PLGRKT: variants seen among roughly 807,000 people sequenced by gnomAD.
PLGRKT encodes plasminogen receptor (KT).
In PLGRKT, 22 loss-of-function variants were observed where a neutral mutation model predicts 18.5. The ratio of observed to expected loss-of-function variants is 1.19; its 90% CI spans 0.85 to 1.70. PLGRKT has a LOEUF of 1.70. Among genes scored for constraint, PLGRKT ranks in the 40% most tolerant of loss-of-function variants. The pLI is 0.00. For synonymous variants in PLGRKT, 72 were observed against 52.8 expected (o/e 1.36, Z -1.58); for missense variants, 235 against 174.4 (o/e 1.35, Z -1.96).
chr9:5,431,531 C>CAAAAAAAAAAAAAAAAAAA (rs1191361436), intron 3 of PLGRKT, among the ~76,000 whole-genome samples: 1 of 77,038 alleles, frequency 1.3e-5, no homozygotes, highest in East Asian at 4.2e-4. Flanking sequence ...GAGACTCTCT[C>CAAAAAAAAAAAAAAAAAAA]AAAAAAAAAA....
chr9:5,401,264 G>A (rs1344119319), intron 3 of PLGRKT, among the ~76,000 whole-genome samples: 1 of 150,136 alleles, frequency 6.7e-6, no homozygotes, highest in South Asian at 2.1e-4. Flanking sequence ...AAATAAGAAA[G>A]GCAACAAGAA....
chr9:5,404,955 G>C (rs1818227663), intron 3 of PLGRKT, among the ~76,000 whole-genome samples: 1 of 152,000 alleles, frequency 6.6e-6, no homozygotes, highest in South Asian at 2.1e-4. Flanking sequence ...TCAATGTGCA[G>C]AAATCACAAG....
intron 3 of PLGRKT, among the ~76,000 whole-genome samples, chr9:5,417,094 T>C (rs1818476454): frequency 6.6e-6 from 1 of 152,194 alleles, no homozygotes; most frequent in Admixed American, 6.5e-5. Flanking sequence ...CTTATTTCCA[T>C]TCATTCCAGC....
chr9:5,383,873 G>C (rs1276747360), intron 3 of PLGRKT, among the ~76,000 whole-genome samples: 1 of 152,198 alleles, frequency 6.6e-6, no homozygotes, highest in Non-Finnish European at 1.5e-5. Flanking sequence ...GGGGATCCTA[G>C]AGTTAGTGGA....
At chr9:5,369,475 C>T (rs192458622) in intron 3 of PLGRKT, among the ~76,000 whole-genome samples, 301 of 152,212 alleles carry the variant, frequency 2.0e-3, no homozygotes, top group Middle Eastern at 0.01. Flanking sequence ...AATAGGAACG[C>T]GTTTACACTG....
intron 3 of PLGRKT, among the ~76,000 whole-genome samples, chr9:5,424,093 A>G (rs868312707): frequency 2.1e-4 from 30 of 143,746 alleles, no homozygotes; most frequent in Middle Eastern, 7.1e-3. Context: ...TATATAATAT[A>G]TATTATATAT....
At position 5,373,487 on chromosome 9, in the gene PLGRKT, A is replaced by C. The variant is rs368293651; in HGVS notation, c.82-11599T>G. Among the ~76,000 whole-genome samples the C allele has an allele frequency of 2.6e-5, 4 of 152,216 alleles. No homozygotes were observed. The East Asian group carries it at 7.7e-4, about 29-fold the overall frequency. ...CTGAACCAAGACCCTGGGAAAGACCAGGTCAAGCTTTTGGCTCTATGAGAA... is the reference window on the plus strand; with the variant it reads ...CTGAACCAAGACCCTGGGAAAGACCCGGTCAAGCTTTTGGCTCTATGAGAA... On this transcript the variant is annotated intron_variant, in intron 3 of 5. Transcript: ENST00000223864.
At chr9:5,383,253 C>T (rs746448625) in intron 3 of PLGRKT, among the ~76,000 whole-genome samples, 3 of 152,176 alleles carry the variant, frequency 2.0e-5, no homozygotes, top group Non-Finnish European at 2.9e-5. Flanking sequence ...GGTGGGCTTG[C>T]TGACACACCT....
intron 3 of PLGRKT, among the ~76,000 whole-genome samples, chr9:5,428,198 C>A (rs1818739980): frequency 1.3e-5 from 2 of 152,100 alleles, no homozygotes; most frequent in Non-Finnish European, 2.9e-5. Context: ...TCTGTTGAGC[C>A]CAGTGGCAGA....
intron 3 of PLGRKT, among the ~76,000 whole-genome samples, chr9:5,365,032 C>T (rs926275442): frequency 2.0e-5 from 3 of 152,146 alleles, no homozygotes; most frequent in African/African-American, 7.2e-5. Flanking sequence ...GCTCTGTCCA[C>T]TGACAGGGCA....
chr9:5,370,682 G>A (rs563840249), intron 3 of PLGRKT, among the ~76,000 whole-genome samples: 1 of 152,160 alleles, frequency 6.6e-6, no homozygotes, highest in Admixed American at 6.5e-5. Flanking sequence ...TATCCGAAAT[G>A]AGAGTATTTT....
At chr9:5,358,388 G>A (rs1421690487) in intron 5 of PLGRKT, 28 bp from the exon 6 acceptor site, 3 of 1,609,334 alleles carry the variant, frequency 1.9e-6, no homozygotes, top group African/African-American at 1.3e-5. Context: ...AATACACAAG[G>A]TGACAAAGGG....
intron 3 of PLGRKT, among the ~76,000 whole-genome samples, chr9:5,365,313 G>A (rs992094418): frequency 3.9e-5 from 6 of 151,958 alleles, no homozygotes; most frequent in Admixed American, 1.3e-4. Context: ...GTCCAAAGCT[G>A]GAACAATTTT....
chr9:5,377,069 C>A lies in PLGRKT; in HGVS notation c.82-15181G>T, dbSNP rs1817642851. On this transcript the variant is annotated intron_variant, in intron 3 of 5. Transcript: ENST00000223864. ...TGCCTGGGAAGTTAGAGATCTGTTT[C>A]CCTGTCCAATTGCAGGGCAGTGGAT... Among the ~76,000 whole-genome samples, 5 of 152,094 alleles carry A rather than the reference C, an allele frequency of 3.3e-5. No individual in the cohort carries two copies. The South Asian group carries it at 1.0e-3, about 32-fold the overall frequency.
chr9:5,403,701 G>A (rs1466059242), intron 3 of PLGRKT, among the ~76,000 whole-genome samples: 1 of 152,190 alleles, frequency 6.6e-6, no homozygotes, highest in Non-Finnish European at 1.5e-5. Flanking sequence ...TATCCTGGAA[G>A]CAAATATTTT....
At chr9:5,395,480 C>T (rs1818026969) in intron 3 of PLGRKT, among the ~76,000 whole-genome samples, 5 of 151,762 alleles carry the variant, frequency 3.3e-5, no homozygotes, top group Admixed American at 1.3e-4. Context: ...AATAACTTTG[C>T]AGAATTATGG....
intron 3 of PLGRKT, among the ~76,000 whole-genome samples, chr9:5,429,440 GTC>G (rs1818771536): frequency 6.6e-6 from 1 of 152,174 alleles, no homozygotes; most frequent in African/African-American, 2.4e-5. Flanking sequence ...GAAATTTATT[GTC>G]TCTGTTCTGA....
At chr9:5,365,325 T>C (rs1175789345) in intron 3 of PLGRKT, among the ~76,000 whole-genome samples, 1 of 152,202 alleles carries the variant, frequency 6.6e-6, no homozygotes, top group Non-Finnish European at 1.5e-5. Context: ...AACAATTTTA[T>C]CAGCAAAATA....
At chr9:5,432,828 C>T (rs1321169464) in intron 2 of PLGRKT, among the ~76,000 whole-genome samples, 3 of 152,140 alleles carry the variant, frequency 2.0e-5, no homozygotes, top group African/African-American at 7.2e-5. Flanking sequence ...AGTGCAGTGG[C>T]GTGATCTCGG....
Sources: allele counts gnomAD v4.1 joint callset (sites outside exome capture counted in the v4.1 genomes callset), GRCh38; gene constraint gnomAD v4.1.1; transcripts MANE v1.5; gene names NCBI Gene and HGNC (gene_info 2026-07-23, HGNC 2026-07-21).